The following RAD52 variants were observed in gnomAD, a reference collection of about 807,000 sequenced individuals.
The protein encoded by RAD52 is DNA repair protein RAD52 homolog.
In RAD52, 47 loss-of-function variants were observed where a neutral mutation model predicts 55.5. That is an observed-to-expected ratio of 0.85 (90% CI 0.67 to 1.08). The LOEUF (loss-of-function observed/expected upper bound fraction) is 1.08. RAD52 is among the 50% of genes least tolerant of loss of function. The pLI is 0.00. For synonymous variants in RAD52, 184 were observed against 198.9 expected, an observed-to-expected ratio of 0.92 and a Z score of 0.63; for missense variants, 468 against 522.8, an observed-to-expected ratio of 0.90 and a Z score of 1.02.
chr12:914,202 A>C (rs1370633267), intron 10 of RAD52, 81 bp from the exon 11 acceptor site: 40 of 1,390,186 alleles, frequency 2.9e-5, no homozygotes, highest in Non-Finnish European at 3.9e-5. Flanking sequence ...TGGCCCTCAG[A>C]AATTCCATGT....
intron 1 of RAD52, among the ~76,000 whole-genome samples, chr12:947,963 C>G (rs1958346639): frequency 1.1e-5 from 1 of 87,132 alleles, no homozygotes; most frequent in Non-Finnish European, 2.4e-5. Context: ...CTGACCCAAC[C>G]CAAGAGTTAA....
intron 1 of RAD52, among the ~76,000 whole-genome samples, chr12:981,325 C>T (rs1959012126): frequency 6.6e-6 from 1 of 150,440 alleles, no homozygotes; most frequent in African/African-American, 2.4e-5. Flanking sequence ...AGAGTGCAAC[C>T]CTATCTCAAA....
At chr12:966,256 C>T (rs552845746) in intron 1 of RAD52, among the ~76,000 whole-genome samples, 3 of 152,194 alleles carry the variant, frequency 2.0e-5, no homozygotes, top group Admixed American at 1.3e-4. Context: ...CGTGAGCCAC[C>T]GCGATGGGCC....
chr12:916,533 C>A, intron 8 of RAD52, 50 bp from the exon 9 acceptor site: 1 of 1,605,628 alleles, frequency 6.2e-7, no homozygotes, highest in South Asian at 1.1e-5. Flanking sequence ...ACAGCCGCGG[C>A]TGCTGGGAGG....
chr12:966,982 T>G (rs1322641682), intron 1 of RAD52, among the ~76,000 whole-genome samples: 1 of 152,056 alleles, frequency 6.6e-6, no homozygotes, highest in Non-Finnish European at 1.5e-5. Context: ...GGCATACAAC[T>G]GAGTTCTGTG....
chr12:916,210 G>C, intron 9 of RAD52, 134 bp downstream of exon 9: 1 of 1,469,258 alleles, frequency 6.8e-7, no homozygotes, highest in Non-Finnish European at 8.9e-7. Flanking sequence ...TCTCTCCTGC[G>C]TGTAGCTTGA....
In RAD52 at chr12:912,748, A is replaced by AAAAC. The variant is rs1956165327; in HGVS notation, c.*642_*643insGTTT. 1.2e-5 allele frequency: 2 copies of AAAAC among 167,068 alleles called. No individual in the cohort carries two copies. The highest frequency in any genetic ancestry group is 2.5e-5 in the Non-Finnish European group (2 of 78,530). 10.3% of individuals were successfully genotyped at this position (167,068 alleles called of 1,614,324 possible). On this transcript the variant is annotated 3_prime_UTR_variant, in exon 12 of 12. Coordinates refer to ENST00000358495, the MANE Select transcript of RAD52 (RefSeq NM_134424.4). ...AAAAAAAAAAAAAAAAAAAAAAACA[A>AAAAC]AAAACAGCCTTTTTTCGTGGTCTTA...
chr12:942,489 C>T (rs1009200687), intron 1 of RAD52, among the ~76,000 whole-genome samples: 1 of 152,146 alleles, frequency 6.6e-6, no homozygotes, highest in African/African-American at 2.4e-5. Flanking sequence ...TGGCTCACGC[C>T]TATAATCCCA....
intron 1 of RAD52, among the ~76,000 whole-genome samples, chr12:971,562 T>A (rs1695060043): frequency 6.6e-6 from 1 of 152,180 alleles, no homozygotes; most frequent in African/African-American, 2.4e-5. Context: ...TTCCGTTTTT[T>A]AAATACTTTA....
At chr12:949,023 T>C (rs151122115) in intron 1 of RAD52, among the ~76,000 whole-genome samples, 126 of 152,180 alleles carry the variant, frequency 8.3e-4, no homozygotes, top group Non-Finnish European at 1.4e-3. Flanking sequence ...ATAACAAGGC[T>C]CAATACTCAG....
rs375303012 is a variant in RAD52 at position 931,785 on chromosome 12, C to T, written c.85-464G>A. Among the ~76,000 whole-genome samples the T allele has an allele frequency of 1.6e-4, 25 of 152,294 alleles. 1 individual carries two copies. The East Asian group carries it at 3.1e-3, about 19-fold the overall frequency. On this transcript the variant is annotated intron_variant, in intron 2 of 11. Transcript: ENST00000358495. ...ATGACGTCAGCACAGGAAGCAAGTA[C>T]GGAAAGAGCACGGGGGTAGGAAGCC...
chr12:935,220 A>C (rs1357773206), intron 1 of RAD52, among the ~76,000 whole-genome samples: 3 of 152,114 alleles, frequency 2.0e-5, no homozygotes, highest in Non-Finnish European at 4.4e-5. Context: ...AGAAGCCACA[A>C]TCACTGAAAT....
At chr12:990,964 T>TGTGTGTGTGTGTGTGCGCGC (rs1565724264), upstream of RAD52, 1 of 151,882 alleles carries the variant, frequency 6.6e-6, no homozygotes, top group African/African-American at 2.4e-5. Context: ...TGTGTGTGTG[T>TGTGTGTGTGTGTGTGCGCGC]GTGCAGGGAC....
chr12:929,576 A>G (rs4766377), intron 5 of RAD52: 172,375 of 714,396 alleles, frequency 0.24, 21,397 homozygotes, highest in Middle Eastern at 0.32. Flanking sequence ...CATCCTTTGC[A>G]ACAATTTTTA....
intron 1 of RAD52, among the ~76,000 whole-genome samples, chr12:970,679 C>T (rs1018817648): frequency 6.6e-6 from 1 of 152,044 alleles, no homozygotes; most frequent in Non-Finnish European, 1.5e-5. Flanking sequence ...TGGGAGAGGG[C>T]ATTTGGGAGG....
upstream of RAD52, among the ~76,000 whole-genome samples, chr12:954,020 T>C (rs956722531): frequency 1.3e-5 from 2 of 152,216 alleles, no homozygotes; most frequent in Admixed American, 1.3e-4. Flanking sequence ...ATCATGCTGA[T>C]TCACAACTTT....
chr12:958,098 G>A (rs981207071), intron 1 of RAD52, among the ~76,000 whole-genome samples: 2 of 152,246 alleles, frequency 1.3e-5, no homozygotes, highest in African/African-American at 4.8e-5. Context: ...CCGGGGCTGG[G>A]AGGAACATGG....
At chr12:950,140 A>C (rs1958485454), upstream of RAD52, among the ~76,000 whole-genome samples, 1 of 152,232 alleles carries the variant, frequency 6.6e-6, no homozygotes, top group African/African-American at 2.4e-5. Context: ...GCCCGGGCCG[A>C]GGCAGCGGTG....
chr12:988,637 A>C (rs1020278191), intron 1 of RAD52, among the ~76,000 whole-genome samples: 1 of 152,214 alleles, frequency 6.6e-6, no homozygotes, highest in Admixed American at 6.5e-5. Flanking sequence ...GTGCTGCATC[A>C]AGACATGGCG....
Sources: allele counts gnomAD v4.1 joint callset (sites outside exome capture counted in the v4.1 genomes callset), GRCh38; gene constraint gnomAD v4.1.1; transcripts MANE v1.5; gene names NCBI Gene and HGNC (gene_info 2026-07-23, HGNC 2026-07-21).